The following STARD4 variants were observed in gnomAD, a reference collection of about 807,000 sequenced individuals.
STARD4 encodes stAR-related lipid transfer protein 4.
A neutral mutation model predicts 24.9 loss-of-function variants in STARD4; 33 were observed. The ratio of observed to expected loss-of-function variants is 1.32; its 90% CI spans 1.00 to 1.77. The LOEUF (loss-of-function observed/expected upper bound fraction) is 1.77, where lower values mean the gene tolerates loss of function less well. Among genes scored for constraint, STARD4 ranks in the 40% most tolerant of loss-of-function variants. STARD4 has a pLI of 0.00. For synonymous variants in STARD4, 88 were observed against 77.4 expected (o/e 1.14, Z -0.72); for missense variants, 238 against 249.3 (o/e 0.95, Z 0.31).
At position 111,496,552 on chromosome 5, in the gene STARD4, G is replaced by A. The variant is rs1202251768; in HGVS notation, c.*3334C>T. ...GGACGGTGGTACACTCTTGAGAAAAGAGTTAAAGCTTTTATTTGTATGAAA... is the reference window on the plus strand; with the variant it reads ...GGACGGTGGTACACTCTTGAGAAAAAAGTTAAAGCTTTTATTTGTATGAAA... On this transcript the variant is annotated 3_prime_UTR_variant, in exon 6 of 6. Transcript: ENST00000296632. The A allele has an allele frequency of 3.3e-5, 5 of 152,054 alleles. No homozygotes were observed. Among genetic ancestry groups the A allele is most frequent in the African/African-American group, 1.2e-4 (5 of 41,430 alleles). The allele number at this position is 152,054 out of a possible 1,614,324, so 9.4% of individuals were successfully genotyped here. A position where few individuals can be genotyped will look rare whatever the true frequency, so the allele number is the denominator to read the frequency against.
At chr5:111,505,579 A>G (rs546979749) in intron 3 of STARD4, among the ~76,000 whole-genome samples, 1 of 152,290 alleles carries the variant, frequency 6.6e-6, no homozygotes, top group African/African-American at 2.4e-5. Context: ...TCTATCACAA[A>G]TGTTTCCTAC....
intron 2 of STARD4, among the ~76,000 whole-genome samples, chr5:111,506,994 A>C (rs1382681342): frequency 2.0e-5 from 3 of 152,190 alleles, no homozygotes; most frequent in Non-Finnish European, 4.4e-5. Flanking sequence ...ATATACCTGA[A>C]ACTATTCCAA....
chr5:111,500,410 T>G, intron 5 of STARD4: 2 of 1,098,388 alleles, frequency 1.8e-6, no homozygotes, highest in Non-Finnish European at 2.2e-6. Context: ...GTGCCAAAAA[T>G]CAAATCCATG....
chr5:111,506,373 C>A lies in STARD4; in HGVS notation c.112G>T (p.Val38Leu). ...TCTGAGGGTTTTCTCCAAACAGTTACATCTTTCTAGAAAAATAAAAACATT... is the reference window on the plus strand; with the variant it reads ...TCTGAGGGTTTTCTCCAAACAGTTAAATCTTTCTAGAAAAATAAAAACATT... ...KWRVAKKTKD[V>L]TVWRKPSEEF... Residue 38 changes from valine to leucine, a missense_variant, in exon 3 of 6, where the codon GTA becomes TTA. Transcript: ENST00000296632. 1 of 1,476,158 alleles carries A rather than the reference C, an allele frequency of 6.8e-7. No homozygotes were observed. The highest frequency in any genetic ancestry group is 1.2e-5 in the South Asian group (1 of 82,466). The allele number at this position is 1,476,158 out of a possible 1,614,324, so 91.4% of individuals were successfully genotyped here.
intron 4 of STARD4, 35 bp from the exon 5 acceptor site, chr5:111,501,151 A>C: frequency 6.4e-7 from 1 of 1,555,834 alleles, no homozygotes; most frequent in Non-Finnish European, 8.6e-7. Context: ...TGTTACTACT[A>C]TAGGAAACAT....
At chr5:111,512,048 T>C (rs1757333861) in intron 1 of STARD4, among the ~76,000 whole-genome samples, 1 of 152,080 alleles carries the variant, frequency 6.6e-6, no homozygotes, top group Non-Finnish European at 1.5e-5. Context: ...TCAAGCGGGA[T>C]TACCACCGCC....
rs1409879994 is a variant in STARD4, at chr5:111,496,327, T to A, written c.*3559A>T. The A allele has an allele frequency of 1.3e-5, 2 of 152,128 alleles. No individual in the cohort carries two copies. The allele number at this position is 152,128 out of a possible 1,614,324, so 9.4% of individuals were successfully genotyped here. Reference sequence around the variant, plus strand: ...TTTGAAATTATTCTGATGTTTCTTCTACACTCAAGTCCCAACCTTCTCTAC... The same window carrying A: ...TTTGAAATTATTCTGATGTTTCTTCAACACTCAAGTCCCAACCTTCTCTAC... On this transcript the variant is annotated 3_prime_UTR_variant, in exon 6 of 6. Coordinates refer to ENST00000296632, the MANE Select transcript of STARD4 (RefSeq NM_139164.3).
rs972280682 is a variant in STARD4 at position 111,496,774 on chromosome 5, T to A, written c.*3112A>T. On this transcript the variant is annotated 3_prime_UTR_variant, in exon 6 of 6. Coordinates refer to ENST00000296632, the MANE Select transcript of STARD4 (RefSeq NM_139164.3). Reference sequence around the variant, plus strand: ...AGAGAAGGGAGGGGAAGGAAAAAAATTCTATTAACTAGGAGATGTTGTACA... The same window carrying A: ...AGAGAAGGGAGGGGAAGGAAAAAAAATCTATTAACTAGGAGATGTTGTACA... The A allele has an allele frequency of 1.3e-5, 2 of 151,976 alleles. No individual in the cohort carries two copies. Among genetic ancestry groups the A allele is most frequent in the African/African-American group, 4.8e-5 (2 of 41,412 alleles). The allele number at this position is 151,976 out of a possible 1,614,324, so 9.4% of individuals were successfully genotyped here.
chr5:111,501,124 A>G lies in STARD4; in HGVS notation c.283-8T>C. The G allele has an allele frequency of 6.3e-7, 1 of 1,586,180 alleles. No individual in the cohort carries two copies. Among genetic ancestry groups the G allele is most frequent in the Non-Finnish European group, 8.5e-7 (1 of 1,171,158 alleles). The stretch of plus-strand genomic sequence containing the variant: ...ACGCATCACACAGCAATTCTGAAAA[A>G]GAAGAGATAAGACAAGTGTTACTAC... On this transcript the variant is annotated splice_polypyrimidine_tract_variant and splice_region_variant and intron_variant, in intron 4 of 5. Coordinates refer to ENST00000296632, the MANE Select transcript of STARD4 (RefSeq NM_139164.3).
At chr5:111,506,506 C>T (rs547438784) in intron 2 of STARD4, 127 bp from the exon 3 acceptor site, 2 of 419,292 alleles carry the variant, frequency 4.8e-6, no homozygotes. Context: ...TTTCAGAATA[C>T]ATAAAAGTCA....
rs566993631 is a variant in STARD4, at chr5:111,499,127, G to T, written c.*759C>A. ...AAAAATATATACAAAGATTTGCCTG[G>T]ATACCTGAATTGCCTCAAGTTCCCA... On this transcript the variant is annotated 3_prime_UTR_variant, in exon 6 of 6. Transcript: ENST00000296632. The T allele has an allele frequency of 6.6e-6, 1 of 152,168 alleles. No homozygotes were observed. The highest frequency in any genetic ancestry group is 1.5e-5 in the Non-Finnish European group (1 of 68,030). The allele number at this position is 152,168 out of a possible 1,614,324, so 9.4% of individuals were successfully genotyped here.
At chr5:111,501,746 AAAG>A (rs1255429348) in intron 4 of STARD4, among the ~76,000 whole-genome samples, 2 of 152,222 alleles carry the variant, frequency 1.3e-5, no homozygotes, top group Non-Finnish European at 2.9e-5. Flanking sequence ...GTACTGTGGA[AAAG>A]AAACTCAGTC....
At chr5:111,503,458 G>A (rs953709933) in intron 3 of STARD4, among the ~76,000 whole-genome samples, 1 of 152,012 alleles carries the variant, frequency 6.6e-6, no homozygotes, top group Non-Finnish European at 1.5e-5. Flanking sequence ...GTGAAACCCC[G>A]TCTCTACTAA....
intron 3 of STARD4, among the ~76,000 whole-genome samples, chr5:111,504,686 CTCT>C (rs1756717873): frequency 6.6e-6 from 1 of 152,108 alleles, no homozygotes; most frequent in Non-Finnish European, 1.5e-5. Context: ...CATAAATCTG[CTCT>C]CTCATCTTGT....
At chr5:111,503,004 G>T (rs184637664) in intron 3 of STARD4, among the ~76,000 whole-genome samples, 1 of 152,232 alleles carries the variant, frequency 6.6e-6, no homozygotes, top group Non-Finnish European at 1.5e-5. Context: ...ACAGTTTATA[G>T]AATGCCATAA....
chr5:111,512,497 AGCAGCCAACTTGTAAGTCACCGCTGGTC>A lies in STARD4; in HGVS notation c.-150_-123del, dbSNP rs1304288916. 1 of 152,698 alleles carries A rather than the reference AGCAGCCAACTTGTAAGTCACCGCTGGTC, an allele frequency of 6.5e-6. No individual in the cohort carries two copies. The highest frequency in any genetic ancestry group is 1.5e-5 in the Non-Finnish European group (1 of 68,424). The allele number at this position is 152,698 out of a possible 1,614,324, so 9.5% of individuals were successfully genotyped here. A position where few individuals can be genotyped will look rare whatever the true frequency, so the allele number is the denominator to read the frequency against. ...CCCGGCCCGCCGATGCGCAGGCGAC[AGCAGCCAACTTGTAAGTCACCGCTGGTC>A]GCAGCCAACTGGAAGGCACCCAGCG... is the stretch of plus-strand genomic sequence containing the variant. On this transcript the variant is annotated 5_prime_UTR_variant, in exon 1 of 6. Coordinates refer to ENST00000296632, the MANE Select transcript of STARD4 (RefSeq NM_139164.3).
intron 1 of STARD4, among the ~76,000 whole-genome samples, chr5:111,508,318 C>T (rs1757012157): frequency 6.6e-6 from 1 of 152,022 alleles, no homozygotes; most frequent in Non-Finnish European, 1.5e-5. Flanking sequence ...ACTATAACTC[C>T]ACCACCTAGA....
At position 111,498,872 on chromosome 5, in the gene STARD4, T is replaced by C. The variant is rs1184795333; in HGVS notation, c.*1014A>G. 1 of 152,196 alleles carries C rather than the reference T, an allele frequency of 6.6e-6. No individual in the cohort carries two copies. The highest frequency in any genetic ancestry group is 2.4e-5 in the African/African-American group (1 of 41,452). The allele number at this position is 152,196 out of a possible 1,614,324, so 9.4% of individuals were successfully genotyped here. A position where few individuals can be genotyped will look rare whatever the true frequency, so the allele number is the denominator to read the frequency against. ...TCAAAATGGGTATGAAGAACTTTGA[T>C]TTATTCTTTCTTTACACTCAAGAAA... is the stretch of plus-strand genomic sequence containing the variant. On this transcript the variant is annotated 3_prime_UTR_variant, in exon 6 of 6. Coordinates refer to ENST00000296632, the MANE Select transcript of STARD4 (RefSeq NM_139164.3).
chr5:111,500,993 G>A lies in STARD4; in HGVS notation c.397+9C>T. 1.2e-6 allele frequency: 2 copies of A among 1,613,792 alleles called. No individual in the cohort carries two copies. Among genetic ancestry groups the A allele is most frequent in the Non-Finnish European group, 1.7e-6 (2 of 1,179,884 alleles). On this transcript the variant is annotated intron_variant, in intron 5 of 5. Transcript: ENST00000296632. ...ACTGAAAAAAAGCATAACATGTTGA[G>A]ATTATTACCACAAGATAAAAGCCCT...
Sources: gnomAD v4.1 joint callset for allele counts (sites outside exome capture counted in the v4.1 genomes callset) on GRCh38, gnomAD v4.1.1 for gene constraint, MANE v1.5 for transcripts, NCBI Gene and HGNC (gene_info 2026-07-23, HGNC 2026-07-21) for gene names.